The following PRKCH variants were observed in gnomAD, a reference collection of about 807,000 sequenced individuals.
The protein encoded by PRKCH is protein kinase C eta.
Under a neutral mutation model 82.5 loss-of-function variants are expected in PRKCH, and 28 were observed. The ratio of observed to expected loss-of-function variants is 0.34; its 90% CI spans 0.25 to 0.47. The LOEUF (loss-of-function observed/expected upper bound fraction) is 0.47. PRKCH is among the 20% of genes least tolerant of loss of function. PRKCH has a pLI of 1.00. For synonymous variants in PRKCH, 322 were observed against 327.4 expected (o/e 0.98, Z 0.18); for missense variants, 705 against 881.8 (o/e 0.80, Z 2.54).
intron 1 of PRKCH, among the ~76,000 whole-genome samples, chr14:61,276,195 G>A (rs1163433206): frequency 6.6e-6 from 1 of 151,850 alleles, no homozygotes. Context: ...TGTTTTGGTT[G>A]GAGGAGACTT....
chr14:61,376,229 C>T (rs549552970), intron 1 of PRKCH, among the ~76,000 whole-genome samples: 1 of 152,176 alleles, frequency 6.6e-6, no homozygotes, highest in South Asian at 2.1e-4. Context: ...GTGCCTTTCC[C>T]AACACCCTTC....
chr14:61,343,978 C>T (rs536056231), intron 1 of PRKCH, among the ~76,000 whole-genome samples: 8 of 152,126 alleles, frequency 5.3e-5, no homozygotes, highest in East Asian at 1.9e-4. Flanking sequence ...CTCTTTTGGA[C>T]GATGACTTCC....
intron 10 of PRKCH, among the ~76,000 whole-genome samples, chr14:61,526,199 A>C (rs1354730973): frequency 6.6e-6 from 1 of 152,210 alleles, no homozygotes; most frequent in Non-Finnish European, 1.5e-5. Context: ...CAGCTTCCAC[A>C]AATCAGCCCA....
rs1371507721 is a variant in PRKCH, at chr14:61,486,688, T to TTTC, written c.1433+1034_1433+1035insCTT. 2.0e-4 allele frequency among the ~76,000 whole-genome samples: 29 copies of TTTC among 142,822 alleles called. 1 individual carries two copies. The highest frequency in any genetic ancestry group is 6.8e-4 in the South Asian group (3 of 4,412). 93.7% of individuals were successfully genotyped at this position (142,822 alleles called of 152,430 possible). ...ATTTCTTTTCTTTCTTTCTTTCTTT[T>TTTC]TTTTTTTTTAAGACAGTGTCTTGCT... On this transcript the variant is annotated intron_variant, in intron 10 of 13. Transcript: ENST00000332981.
intron 1 of PRKCH, among the ~76,000 whole-genome samples, chr14:61,241,636 TC>T (rs1411014140): frequency 3.3e-5 from 5 of 152,158 alleles, no homozygotes; most frequent in Non-Finnish European, 4.4e-5. Flanking sequence ...TTTTCAAGGC[TC>T]TTTGAAATCT....
At chr14:61,389,772 G>A (rs2046647265) in intron 1 of PRKCH, among the ~76,000 whole-genome samples, 2 of 152,066 alleles carry the variant, frequency 1.3e-5, no homozygotes, top group Non-Finnish European at 2.9e-5. Context: ...GTGAGGCTCA[G>A]TGTGGTAAAG....
chr14:61,408,811 C>T (rs1882101160), intron 2 of PRKCH, among the ~76,000 whole-genome samples: 1 of 152,176 alleles, frequency 6.6e-6, no homozygotes. Flanking sequence ...GCCATTGCTT[C>T]AAATCCTAGA....
At chr14:61,363,778 G>A (rs902621855) in intron 1 of PRKCH, among the ~76,000 whole-genome samples, 2 of 150,436 alleles carry the variant, frequency 1.3e-5, no homozygotes, top group African/African-American at 5.0e-5. Flanking sequence ...TGGAGTCCAA[G>A]GGAACACCAG....
At chr14:61,225,783 G>A (rs188036097) in intron 1 of PRKCH, among the ~76,000 whole-genome samples, 117 of 151,532 alleles carry the variant, frequency 7.7e-4, no homozygotes, top group African/African-American at 2.8e-3. Flanking sequence ...CTGTTGTGCA[G>A]GCTGGAGTGC....
At chr14:61,365,084 A>C (rs1672920330) in intron 1 of PRKCH, among the ~76,000 whole-genome samples, 2 of 152,120 alleles carry the variant, frequency 1.3e-5, no homozygotes. Flanking sequence ...GATAGCCCAC[A>C]GGGAAACCTT....
intron 1 of PRKCH, among the ~76,000 whole-genome samples, chr14:61,382,618 C>T (rs947425279): frequency 6.6e-6 from 1 of 152,020 alleles, no homozygotes; most frequent in Non-Finnish European, 1.5e-5. Flanking sequence ...TGTTATTTAT[C>T]GCTAGAGTAA....
At chr14:61,490,664 A>T (rs1886414460) in intron 10 of PRKCH, among the ~76,000 whole-genome samples, 1 of 152,192 alleles carries the variant, frequency 6.6e-6, no homozygotes, top group African/African-American at 2.4e-5. Context: ...CTGTAATCCC[A>T]GCATTTTGTG....
At chr14:61,406,230 G>A (rs1056582182) in intron 2 of PRKCH, among the ~76,000 whole-genome samples, 4 of 149,734 alleles carry the variant, frequency 2.7e-5, no homozygotes, top group Non-Finnish European at 5.9e-5. Flanking sequence ...GTATTGCTTT[G>A]GTGTAGTCGT....
chr14:61,511,259 T>G (rs1242467682), intron 10 of PRKCH, among the ~76,000 whole-genome samples: 1 of 152,182 alleles, frequency 6.6e-6, no homozygotes, highest in East Asian at 1.9e-4. Context: ...AAACCTGTGG[T>G]TCTGGTCTTG....
intron 1 of PRKCH, among the ~76,000 whole-genome samples, chr14:61,282,720 T>C (rs2045282665): frequency 6.6e-6 from 1 of 152,164 alleles, no homozygotes; most frequent in Non-Finnish European, 1.5e-5. Flanking sequence ...AAAAGTAATA[T>C]TGATTTAATA....
At chr14:61,420,084 C>T (rs1488557960) in intron 2 of PRKCH, among the ~76,000 whole-genome samples, 1 of 152,218 alleles carries the variant, frequency 6.6e-6, no homozygotes, top group Non-Finnish European at 1.5e-5. Context: ...CAGCCTCTTT[C>T]AACCAGACTG....
At chr14:61,349,083 C>T (rs2046036947) in intron 1 of PRKCH, among the ~76,000 whole-genome samples, 1 of 152,244 alleles carries the variant, frequency 6.6e-6, no homozygotes, top group Admixed American at 6.5e-5. Flanking sequence ...GCACTTGAGA[C>T]CTCTAAGTAG....
chr14:61,308,617 A>G (rs1197034797), intron 1 of PRKCH, among the ~76,000 whole-genome samples: 1 of 152,026 alleles, frequency 6.6e-6, no homozygotes, highest in East Asian at 1.9e-4. Flanking sequence ...ATGTGTGTGT[A>G]TGTTATATAT....
chr14:61,427,117 T>C (rs761491335), intron 2 of PRKCH, among the ~76,000 whole-genome samples: 1 of 152,092 alleles, frequency 6.6e-6, no homozygotes, highest in Non-Finnish European at 1.5e-5. Context: ...GAGGTATACA[T>C]TGGTTTGGTC....
Sources: allele counts gnomAD v4.1 joint callset (sites outside exome capture counted in the v4.1 genomes callset), GRCh38; gene constraint gnomAD v4.1.1; transcripts MANE v1.5; gene names NCBI Gene and HGNC (gene_info 2026-07-23, HGNC 2026-07-21).